Variants in RNF185 observed in about 807,000 individuals in gnomAD.
RNF185 encodes ring finger protein 185.
Under a neutral mutation model 24.9 loss-of-function variants are expected in RNF185, and 13 were observed. The observed-to-expected ratio is 0.52, with a 90% CI of 0.34 to 0.83. RNF185 has a LOEUF of 0.83. Among genes scored for constraint, RNF185 ranks in the 40% least tolerant of loss-of-function variants. The probability of loss-of-function intolerance (pLI) is 0.01; values close to 1 mark genes in which losing one functional copy is unlikely to be tolerated. For missense variants in RNF185, 184 were observed against 244.7 expected (o/e 0.75, Z 1.65); for synonymous variants, 79 against 90.3 (o/e 0.88, Z 0.71).
intron 1 of RNF185, among the ~76,000 whole-genome samples, chr22:31,168,143 A>G (rs894916006): frequency 1.3e-5 from 2 of 152,096 alleles, no homozygotes; most frequent in Admixed American, 6.5e-5. Context: ...TTCTGTCTCT[A>G]TGATTTTGTT....
chr22:31,191,093 A>C (rs573647939), intron 2 of RNF185, among the ~76,000 whole-genome samples: 1 of 152,336 alleles, frequency 6.6e-6, no homozygotes, highest in Admixed American at 6.5e-5. Context: ...AAATTGCCTA[A>C]TGACACATTT....
rs1352436633 is a variant in RNF185, at chr22:31,189,278, A to ATTT, written c.176+2009_176+2010insTTT. Among the ~76,000 whole-genome samples, 15 of 81,226 alleles carry ATTT rather than the reference A, an allele frequency of 1.8e-4. No individual in the cohort carries two copies. In the East Asian group the frequency reaches 2.3e-3, roughly 13 times the overall value. 53.3% of individuals were successfully genotyped at this position (81,226 alleles called of 152,430 possible). ...ATATTTAAATGTACAGCTGTTGTAT[A>ATTT]TCTTTTTTTTTTTTTTTTTTTTTTT... On this transcript the variant is annotated intron_variant, in intron 2 of 6. Coordinates refer to ENST00000326132, the MANE Select transcript of RNF185 (RefSeq NM_152267.4).
chr22:31,202,838 TCTC>T (rs547357921), intron 6 of RNF185, among the ~76,000 whole-genome samples: 2 of 152,220 alleles, frequency 1.3e-5, no homozygotes, highest in East Asian at 1.9e-4. Context: ...ATGGTCTCGA[TCTC>T]CTGACCTCGT....
At chr22:31,190,532 C>T (rs1230321457) in intron 2 of RNF185, among the ~76,000 whole-genome samples, 1 of 151,882 alleles carries the variant, frequency 6.6e-6, no homozygotes, top group Non-Finnish European at 1.5e-5. Flanking sequence ...GGTGATCCAA[C>T]CGCCTCAGCC....
intron 1 of RNF185, among the ~76,000 whole-genome samples, chr22:31,183,849 C>T (rs531979162): frequency 6.6e-5 from 10 of 152,204 alleles, no homozygotes; most frequent in Admixed American, 2.0e-4. Context: ...CTTTTCTATT[C>T]GACAAAACCG....
At chr22:31,191,818 A>G (rs974808551) in intron 2 of RNF185, among the ~76,000 whole-genome samples, 2 of 129,568 alleles carry the variant, frequency 1.5e-5, no homozygotes, top group Admixed American at 1.6e-4. Context: ...CAAGAACAAA[A>G]CTTCGTCTCA....
At chr22:31,182,067 A>C (rs561921394) in intron 1 of RNF185, among the ~76,000 whole-genome samples, 29 of 150,358 alleles carry the variant, frequency 1.9e-4, no homozygotes, top group Middle Eastern at 3.5e-3. Context: ...AAAAAAAAAA[A>C]CACAATATCA....
At chr22:31,189,716 C>T (rs1346366578) in intron 2 of RNF185, among the ~76,000 whole-genome samples, 2 of 147,582 alleles carry the variant, frequency 1.4e-5, no homozygotes, top group Non-Finnish European at 3.0e-5. Context: ...AGCAATTCTC[C>T]TGCCTCAGCC....
intron 2 of RNF185, among the ~76,000 whole-genome samples, chr22:31,189,368 T>TG (rs1242642129): frequency 1.6e-5 from 2 of 128,968 alleles, no homozygotes; most frequent in Admixed American, 1.8e-4. Context: ...TTGGCTCACT[T>TG]GCAACCTCTG....
rs376779532 is a variant in RNF185, at chr22:31,180,135, A to G, written c.-48-6912A>G. Among the ~76,000 whole-genome samples the G allele has an allele frequency of 1.1e-4, 16 of 152,086 alleles. No individual in the cohort carries two copies. The East Asian group carries it at 3.1e-3, about 29-fold the overall frequency. On this transcript the variant is annotated intron_variant, in intron 1 of 6. Transcript: ENST00000326132. ...GGGGGGGTGGGGGGTAGGAAATTTT[A>G]TGTATTATTATTCTTTTGACTGATT... is the stretch of plus-strand genomic sequence containing the variant.
At chr22:31,176,387 G>T (rs1305582625) in intron 1 of RNF185, among the ~76,000 whole-genome samples, 3 of 149,938 alleles carry the variant, frequency 2.0e-5, no homozygotes, top group Non-Finnish European at 3.0e-5. Flanking sequence ...CAATCTTCCT[G>T]CCTCAGCCTC....
At chr22:31,166,558 T>TTTC (rs3068173) in intron 1 of RNF185, among the ~76,000 whole-genome samples, 111,868 of 147,482 alleles carry the variant, frequency 0.76, 43,318 homozygotes, top group African/African-American at 0.91. Flanking sequence ...TCTATAAGCA[T>TTTC]TTCTTCTTCT....
intron 5 of RNF185, among the ~76,000 whole-genome samples, chr22:31,200,438 C>T (rs1183842598): frequency 2.0e-5 from 3 of 152,196 alleles, no homozygotes; most frequent in Non-Finnish European, 4.4e-5. Flanking sequence ...ACTCCTTGGT[C>T]AAGTTATTTC....
intron 1 of RNF185, among the ~76,000 whole-genome samples, chr22:31,165,515 C>T (rs1442212838): frequency 6.6e-6 from 1 of 152,180 alleles, no homozygotes; most frequent in Non-Finnish European, 1.5e-5. Context: ...TGAAATAACT[C>T]AGTGATTTGA....
chr22:31,203,311 C>T (rs1242984383), intron 6 of RNF185, among the ~76,000 whole-genome samples: 1 of 152,192 alleles, frequency 6.6e-6, no homozygotes, highest in Non-Finnish European at 1.5e-5. Flanking sequence ...TAGGTTCTCA[C>T]CCCAGTTCTG....
In RNF185 at chr22:31,170,871, A is replaced by T. The variant is rs1017500956; in HGVS notation, c.-49+10568A>T. On this transcript the variant is annotated intron_variant, in intron 1 of 6. Coordinates refer to ENST00000326132, the MANE Select transcript of RNF185 (RefSeq NM_152267.4). The stretch of plus-strand genomic sequence containing the variant: ...GAGACAAGGTCTTTGTATGCTGCCC[A>T]GGCTGGTCTCAAACTCTTGTCCTCA... Among the ~76,000 whole-genome samples, 12 of 152,058 alleles carry T rather than the reference A, an allele frequency of 7.9e-5. No individual in the cohort carries two copies. In the East Asian group the frequency reaches 2.3e-3, roughly 29 times the overall value.
intron 5 of RNF185, among the ~76,000 whole-genome samples, chr22:31,201,151 A>G (rs2048259858): frequency 6.6e-6 from 1 of 152,230 alleles, no homozygotes. Flanking sequence ...AAGCATGTAG[A>G]AGGTGTTACT....
At chr22:31,161,511 A>G (rs770954760) in intron 1 of RNF185, among the ~76,000 whole-genome samples, 3 of 152,212 alleles carry the variant, frequency 2.0e-5, no homozygotes, top group African/African-American at 7.2e-5. Flanking sequence ...GAATGACCCA[A>G]TATCTGATAG....
At chr22:31,188,946 C>T (rs1379010520) in intron 2 of RNF185, among the ~76,000 whole-genome samples, 7 of 136,694 alleles carry the variant, frequency 5.1e-5, no homozygotes, top group Non-Finnish European at 9.4e-5. Context: ...CGGTGAAACC[C>T]GTTTCTACTA....
Sources: allele counts gnomAD v4.1 joint callset (sites outside exome capture counted in the v4.1 genomes callset), GRCh38; gene constraint gnomAD v4.1.1; transcripts MANE v1.5; gene names NCBI Gene and HGNC (gene_info 2026-07-23, HGNC 2026-07-21).